Variants in ZNF638 observed in about 807,000 individuals in gnomAD.
ZNF638 encodes zinc finger protein 638.
A neutral mutation model predicts 195.6 loss-of-function variants in ZNF638; 46 were observed. The ratio of observed to expected loss-of-function variants is 0.24; its 90% confidence interval spans 0.19 to 0.30. The LOEUF (loss-of-function observed/expected upper bound fraction) is 0.30. Among genes scored for constraint, ZNF638 ranks in the 10% least tolerant of loss-of-function variants. ZNF638 has a pLI of 1.00. For synonymous variants in ZNF638, 845 were observed against 772.0 expected, an observed-to-expected ratio of 1.09 and a Z score of -1.57; for missense variants, 2,440 against 2,325.3, an observed-to-expected ratio of 1.05 and a Z score of -1.01.
At chr2:71,395,325 C>G (rs2079871170) in intron 10 of ZNF638, 1 of 715,240 alleles carries the variant, frequency 1.4e-6, no homozygotes. Flanking sequence ...CTTCAATCAA[C>G]AAAACCTGAT....
chr2:71,358,492 G>T (rs1347762772), intron 3 of ZNF638, among the ~76,000 whole-genome samples: 2 of 152,176 alleles, frequency 1.3e-5, no homozygotes, highest in African/African-American at 2.4e-5. Context: ...CTGTATGCTG[G>T]TAAGAACTGC....
At position 71,393,397 on chromosome 2, in the gene ZNF638, C is replaced by G. The variant is rs571171839; in HGVS notation, c.2378-2744C>G. 14 of 718,666 alleles carry G rather than the reference C, an allele frequency of 1.9e-5. No homozygotes were observed. The African/African-American group carries it at 2.4e-4, about 13-fold the overall frequency. The allele number at this position is 718,666 out of a possible 1,614,324, so 44.5% of individuals were successfully genotyped here. A position where few individuals can be genotyped will look rare whatever the true frequency, so the allele number is the denominator to read the frequency against. On this transcript the variant is annotated intron_variant, in intron 10 of 27. Coordinates refer to ENST00000264447, the MANE Select transcript of ZNF638 (RefSeq NM_014497.5). ...CTTGTGTTCACACCCCCCTCAGGCC[C>G]TCTTTGGATTCCAGTACGATGCATC...
In ZNF638 at chr2:71,363,964, A is replaced by G; in HGVS notation, c.1429A>G (p.Asn477Asp). ...EILPSRRNEGNRKENETPRRR... is the reference protein window; with the variant it reads ...EILPSRRNEGDRKENETPRRR... Reference sequence around the variant, plus strand: ...CCCCCCTGCTTGTAGAAATGAGGGCAATAGAAAAGAAAATGAAACTCCACG... The same window carrying G: ...CCCCCCTGCTTGTAGAAATGAGGGCGATAGAAAAGAAAATGAAACTCCACG... Residue 477 changes from asparagine to aspartate, a missense_variant, in exon 5 of 28, where the codon AAT (asparagine) becomes GAT (aspartate). By Grantham distance (23) the Asn-to-Asp change is conservative. Coordinates refer to ENST00000264447, the MANE Select transcript of ZNF638 (RefSeq NM_014497.5). 1 of 1,612,158 alleles carries G rather than the reference A, an allele frequency of 6.2e-7. No individual in the cohort carries two copies. Among genetic ancestry groups the G allele is most frequent in the Non-Finnish European group, 8.5e-7 (1 of 1,178,900 alleles).
chr2:71,341,086 TA>T lies in ZNF638; in HGVS notation c.-202-7666del, dbSNP rs1217543095. 7.2e-5 allele frequency among the ~76,000 whole-genome samples: 11 copies of T among 152,294 alleles called. No individual in the cohort carries two copies. The East Asian group carries it at 2.1e-3, about 29-fold the overall frequency. On this transcript the variant is annotated intron_variant, in intron 1 of 27. Coordinates refer to ENST00000264447, the MANE Select transcript of ZNF638 (RefSeq NM_014497.5). ...CTTCTGAAAGACTGCATCAAAATAA[TA>T]GGCAGTTCTTGGTTGTCTGTGGTAT...
At chr2:71,381,898 A>G (rs549847607) in intron 10 of ZNF638, among the ~76,000 whole-genome samples, 1 of 152,212 alleles carries the variant, frequency 6.6e-6, no homozygotes, top group Non-Finnish European at 1.5e-5. Context: ...GCCACTCACT[A>G]ATTGTTTAGG....
chr2:71,336,285 G>A (rs1389466766), intron 1 of ZNF638, among the ~76,000 whole-genome samples: 2 of 149,802 alleles, frequency 1.3e-5, no homozygotes, highest in African/African-American at 4.9e-5. Flanking sequence ...TAGGAGAATC[G>A]CTTGAAGCCG....
rs368096793 is a variant in ZNF638, at chr2:71,400,536, A to G, written c.2697+18A>G. ...TTAACAAGGTCAGTTTTCATGTTTT[A>G]TTTATTTCTTTAAAGCTCAAGACAT... On this transcript the variant is annotated intron_variant, in intron 15 of 27. Coordinates refer to ENST00000264447, the MANE Select transcript of ZNF638 (RefSeq NM_014497.5). 4.4e-6 allele frequency: 7 copies of G among 1,588,566 alleles called. No individual in the cohort carries two copies. Among genetic ancestry groups the G allele is most frequent in the Non-Finnish European group, 6.0e-6 (7 of 1,169,238 alleles).
intron 1 of ZNF638, among the ~76,000 whole-genome samples, chr2:71,334,114 TGTTAC>T (rs2078621463): frequency 6.6e-6 from 1 of 152,218 alleles, no homozygotes; most frequent in African/African-American, 2.4e-5. Flanking sequence ...TTTATATGAT[TGTTAC>T]GTTAGTCTTT....
chr2:71,332,019 C>T, intron 1 of ZNF638, 144 bp downstream of exon 1: 1 of 278,170 alleles, frequency 3.6e-6, no homozygotes, highest in Non-Finnish European at 5.3e-6. Context: ...GGGCAGACGG[C>T]GGGGGCGGGA....
rs755423076 is a variant in ZNF638 at position 71,427,031 on chromosome 2, T to C, written c.5162T>C (p.Phe1721Ser). Residue 1721 changes from phenylalanine to serine, a missense_variant, in exon 24 of 28, where the codon TTC becomes TCC. Physicochemically the swap from Phe to Ser is radical, Grantham distance 155 (BLOSUM62 -2). Around this residue, in one of 5 missense-constraint regions of ZNF638, gnomAD observed 1,883 missense variants for 1,739.1 expected, o/e 1.08. Coordinates refer to ENST00000264447, the MANE Select transcript of ZNF638 (RefSeq NM_014497.5). The part of the protein sequence containing the change: ...EGDTVRDSIG[F>S]ISSQVPEDPS... ...GATACTGTAAGGGATTCCATTGGCT[T>C]CATTTCTTCTCAGGTGCCCGAAGAC... 1 of 1,613,502 alleles carries C rather than the reference T, an allele frequency of 6.2e-7. No individual in the cohort carries two copies. The highest frequency in any genetic ancestry group is 8.5e-7 in the Non-Finnish European group (1 of 1,179,808).
intron 24 of ZNF638, among the ~76,000 whole-genome samples, chr2:71,428,177 G>A (rs1311041488): frequency 1.3e-5 from 2 of 152,100 alleles, no homozygotes; most frequent in African/African-American, 4.8e-5. Context: ...TGGTAACAGA[G>A]TGAGCCACTT....
At chr2:71,431,759 C>CAAAAA (rs67530729) in intron 26 of ZNF638, among the ~76,000 whole-genome samples, 2 of 102,230 alleles carry the variant, frequency 2.0e-5, no homozygotes, top group African/African-American at 3.5e-5. Context: ...GACTCCGTCT[C>CAAAAA]AAAAAAAAAA....
intron 20 of ZNF638, chr2:71,408,514 T>C (rs2080149499): frequency 2.8e-6 from 1 of 361,390 alleles, no homozygotes; most frequent in South Asian, 3.2e-5. Flanking sequence ...ATAGTGACTC[T>C]TTGTATGTAA....
intron 6 of ZNF638, among the ~76,000 whole-genome samples, chr2:71,366,951 G>C (rs1413660609): frequency 2.6e-5 from 4 of 152,046 alleles, no homozygotes. Flanking sequence ...CAAATATTTT[G>C]TATATTTTAA....
chr2:71,353,966 T>A (rs2078983281), intron 2 of ZNF638, among the ~76,000 whole-genome samples: 1 of 152,234 alleles, frequency 6.6e-6, no homozygotes, highest in Non-Finnish European at 1.5e-5. Flanking sequence ...AAACATTTCT[T>A]TTTTGTAGTC....
At chr2:71,429,305 A>C (rs1439653488) in intron 25 of ZNF638, among the ~76,000 whole-genome samples, 1 of 152,118 alleles carries the variant, frequency 6.6e-6, no homozygotes, top group Non-Finnish European at 1.5e-5. Context: ...AGGAAAACTT[A>C]CCAAGTATGA....
At chr2:71,428,111 G>A (rs1290340126) in intron 24 of ZNF638, among the ~76,000 whole-genome samples, 1 of 152,142 alleles carries the variant, frequency 6.6e-6, no homozygotes, top group Non-Finnish European at 1.5e-5. Context: ...AGGATCGCTT[G>A]AGCCCAGAAG....
Position 71,426,476 on chromosome 2 carries a change from T to G in ZNF638, c.4607T>G (p.Phe1536Cys), listed in dbSNP as rs2080542192. Residue 1536 changes from phenylalanine to cysteine, a missense_variant, in exon 24 of 28, where the codon TTT becomes TGT. Phe to Cys is a radical substitution (Grantham distance 205). Transcript: ENST00000264447. ...TTCCAACAGGAGCCATTATTTCCAT[T>G]TAATTTGGATGAATTTGTTACTGTG... The part of the protein sequence containing the change: ...SKSKEEPLFP[F>C]NLDEFVTVDE... 6.4e-7 allele frequency: 1 copy of G among 1,571,036 alleles called. No homozygotes were observed. The highest frequency in any genetic ancestry group is 1.4e-5 in the African/African-American group (1 of 72,608).
chr2:71,338,952 C>G (rs1397143541), intron 1 of ZNF638, among the ~76,000 whole-genome samples: 2 of 152,128 alleles, frequency 1.3e-5, no homozygotes, highest in Non-Finnish European at 2.9e-5. Flanking sequence ...CCTTTCTATC[C>G]ATTACCCCTT....
Sources: gnomAD v4.1 joint callset for allele counts (sites outside exome capture counted in the v4.1 genomes callset) on GRCh38, gnomAD v4.1.1 for gene constraint, gnomAD v4.1.1 regional missense constraint, MANE v1.5 for transcripts, NCBI Gene and HGNC (gene_info 2026-07-23, HGNC 2026-07-21) for gene names.